Variants in KLRG1 observed in about 807,000 individuals in gnomAD.
The protein encoded by KLRG1 is killer cell lectin-like receptor subfamily G member 1.
In KLRG1, 16 loss-of-function variants were observed where a neutral mutation model predicts 21.8. The observed-to-expected ratio is 0.73, with a 90% CI of 0.50 to 1.11. The LOEUF (loss-of-function observed/expected upper bound fraction) is 1.11. Among genes scored for constraint, KLRG1 ranks in the 50% most tolerant of loss-of-function variants. KLRG1 has a pLI of 0.00. For synonymous variants in KLRG1, 69 were observed against 75.9 expected (o/e 0.91, Z 0.47); for missense variants, 173 against 218.3 (o/e 0.79, Z 1.31).
At chr12:9,168,698 T>C in the KLRG1 span, 1 of 525,884 alleles carries the variant, frequency 1.9e-6, no homozygotes, top group South Asian at 3.4e-5. Flanking sequence ...AAATCTCTGA[T>C]CAGTTCTAGC....
the KLRG1 span, among the ~76,000 whole-genome samples, chr12:9,092,856 A>G: frequency 1.4e-3 from 215 of 152,364 alleles, 3 homozygotes; most frequent in East Asian, 0.04. Context: ...AGATATAAAA[A>G]CAACCTAAGT....
chr12:9,143,301 G>T, the KLRG1 span, among the ~76,000 whole-genome samples: 1 of 152,190 alleles, frequency 6.6e-6, no homozygotes, highest in Non-Finnish European at 1.5e-5. Context: ...CCACTTCCCA[G>T]AGTAGGAGAA....
chr12:9,002,784 C>T (rs909502863), intron 3 of KLRG1, among the ~76,000 whole-genome samples: 24 of 152,048 alleles, frequency 1.6e-4, no homozygotes, highest in Non-Finnish European at 2.1e-4. Flanking sequence ...CCAGGCTGGT[C>T]TCGAACTCCT....
At chr12:9,099,575 C>T in the KLRG1 span, 1 of 1,553,738 alleles carries the variant, frequency 6.4e-7, no homozygotes. Flanking sequence ...TGACTATTTC[C>T]ATTAGTAGAT....
chr12:9,036,799 C>A, the KLRG1 span: 1 of 413,738 alleles, frequency 2.4e-6, no homozygotes, highest in Non-Finnish European at 4.8e-6. Flanking sequence ...ATCTATGCTT[C>A]AGCTGTCTTT....
the KLRG1 span, chr12:9,077,356 A>G: frequency 6.2e-7 from 1 of 1,613,326 alleles, no homozygotes; most frequent in Non-Finnish European, 8.5e-7. Flanking sequence ...AGTGACTGTG[A>G]GAGGAATCTC....
chr12:8,995,091 A>T, intron 2 of KLRG1, 28 bp from the exon 3 acceptor site: 4 of 1,555,304 alleles, frequency 2.6e-6, no homozygotes, highest in Non-Finnish European at 3.5e-6. Flanking sequence ...GTCCATAAAG[A>T]TGTGAACCAG....
At chr12:8,973,646 G>A (rs1259054897) in intron 1 of KLRG1, among the ~76,000 whole-genome samples, 2 of 152,130 alleles carry the variant, frequency 1.3e-5, no homozygotes, top group African/African-American at 4.8e-5. Flanking sequence ...GACATAGTAT[G>A]GATATTTTAA....
Position 9,009,451 on chromosome 12 carries a change from A to G in KLRG1, c.484A>G (p.Thr162Ala). 1.2e-6 allele frequency: 2 copies of G among 1,613,908 alleles called. No individual in the cohort carries two copies. Among genetic ancestry groups the G allele is most frequent in the Non-Finnish European group, 1.7e-6 (2 of 1,179,916 alleles). Reference sequence around the variant, plus strand: ...GATTTCTTCTAATAGCTTTGTGCAGACATGCGGTGCCATCAACAAAAATGG... The same window carrying G: ...GATTTCTTCTAATAGCTTTGTGCAGGCATGCGGTGCCATCAACAAAAATGG... ...SRISSNSFVQ[T>A]CGAINKNGLQ... The change falls in exon 5 of 5, where the codon ACA becomes GCA. Residue 162 changes from threonine to alanine, a missense_variant. Physicochemically the swap from Thr to Ala is moderately conservative, Grantham distance 58. This residue lies in a region of KLRG1 where 26 missense variants were observed against 36.9 expected (regional missense o/e 0.70). Transcript: ENST00000356986.
the KLRG1 span, chr12:9,101,551 T>C: frequency 6.2e-7 from 1 of 1,613,998 alleles, no homozygotes; most frequent in African/African-American, 1.3e-5. Context: ...TCATGAGACA[T>C]GGGCTCAAGG....
intron 2 of KLRG1, among the ~76,000 whole-genome samples, chr12:8,993,034 T>C (rs982343418): frequency 6.6e-6 from 1 of 152,032 alleles, no homozygotes; most frequent in African/African-American, 2.4e-5. Context: ...TAATGATGTT[T>C]AACTTTTCAC....
chr12:9,041,015 G>A, the KLRG1 span, among the ~76,000 whole-genome samples: 4 of 152,176 alleles, frequency 2.6e-5, no homozygotes, highest in East Asian at 1.9e-4. Context: ...ACATCACTGC[G>A]TATCTTCCAA....
At chr12:9,076,464 A>G in the KLRG1 span, among the ~76,000 whole-genome samples, 1 of 152,200 alleles carries the variant, frequency 6.6e-6, no homozygotes, top group Non-Finnish European at 1.5e-5. Context: ...TACTATAGAG[A>G]TGGTCCCTGA....
At chr12:9,075,138 TG>T in the KLRG1 span, among the ~76,000 whole-genome samples, 2 of 152,210 alleles carry the variant, frequency 1.3e-5, no homozygotes, top group African/African-American at 2.4e-5. Context: ...CTATAAAGTG[TG>T]TCTTTATCAG....
chr12:9,021,872 A>G, the KLRG1 span, among the ~76,000 whole-genome samples: 1 of 152,152 alleles, frequency 6.6e-6, no homozygotes, highest in Non-Finnish European at 1.5e-5. Flanking sequence ...TTCTTCTGCA[A>G]CACCTCCTAA....
chr12:8,950,080 G>C (rs760968470), exon 1 of KLRG1: 2 of 152,214 alleles, frequency 1.3e-5, no homozygotes, highest in African/African-American at 4.8e-5. Flanking sequence ...CGCTTCCCTA[G>C]CCCGTTCGCC....
the KLRG1 span, chr12:9,070,549 A>C: frequency 6.2e-7 from 1 of 1,613,742 alleles, no homozygotes; most frequent in Non-Finnish European, 8.5e-7. Flanking sequence ...AACGATCGCC[A>C]TGTTGGAGGC....
At chr12:9,174,277 T>C in the KLRG1 span, among the ~76,000 whole-genome samples, 7 of 152,040 alleles carry the variant, frequency 4.6e-5, no homozygotes, top group African/African-American at 7.2e-5. Flanking sequence ...AAATTCAACA[T>C]CCCTTTATGT....
At chr12:9,178,758 G>C in the KLRG1 span, among the ~76,000 whole-genome samples, 41 of 152,174 alleles carry the variant, frequency 2.7e-4, no homozygotes, top group Non-Finnish European at 5.9e-4. Context: ...TGGTCATTGG[G>C]TTCAGTGCTA....
Sources: allele counts gnomAD v4.1 joint callset (sites outside exome capture counted in the v4.1 genomes callset), GRCh38; gene constraint gnomAD v4.1.1; regional missense constraint gnomAD v4.1.1; transcripts MANE v1.5; gene names NCBI Gene and HGNC (gene_info 2026-07-23, HGNC 2026-07-21).